The following SLF1 variants were observed in gnomAD, a reference collection of about 807,000 sequenced individuals.
The protein encoded by SLF1 is SMC5-SMC6 complex localization factor protein 1.
In SLF1, 105 loss-of-function variants were observed where a neutral mutation model predicts 123.0. That is an observed-to-expected ratio of 0.85 (90% CI 0.73 to 1.00). The LOEUF is 1.00. SLF1 is among the 50% of genes least tolerant of loss of function. The pLI is 0.00. For missense variants in SLF1, 1,239 were observed against 1,223.0 expected, an observed-to-expected ratio of 1.01 and a Z score of -0.20; for synonymous variants, 434 against 406.6, an observed-to-expected ratio of 1.07 and a Z score of -0.81.
At chr5:94,691,751 TTACC>T in intron 19 of SLF1, 95 bp downstream of exon 19, 1 of 951,464 alleles carries the variant, frequency 1.1e-6, no homozygotes, top group Non-Finnish European at 1.5e-6. Context: ...TTAAGTAAAT[TTACC>T]TAAGGTATCT....
intron 4 of SLF1, among the ~76,000 whole-genome samples, chr5:94,633,445 A>T (rs779898360): frequency 2.0e-5 from 3 of 152,338 alleles, no homozygotes; most frequent in Admixed American, 6.5e-5. Context: ...AATGACATCT[A>T]TGTAAATATC....
At position 94,663,774 on chromosome 5, in the gene SLF1, G is replaced by A. The variant is rs1044621314; in HGVS notation, c.1234G>A (p.Gly412Ser). Reference sequence around the variant, plus strand: ...GGTTAAAAATGCTGAATTTCCCAGAGGTGTATTAAATTTAATTGAAAGCCT... The same window carrying A: ...GGTTAAAAATGCTGAATTTCCCAGAAGTGTATTAAATTTAATTGAAAGCCT... ...VEVKNAEFPR[G>S]VLNLIESLIE... is the part of the protein sequence containing the mutation. The change falls in exon 11 of 21, where the codon GGT becomes AGT. Residue 412 changes from glycine to serine, a missense_variant. By Grantham distance (56) the Gly-to-Ser change is moderately conservative. Coordinates refer to ENST00000265140, the MANE Select transcript of SLF1 (RefSeq NM_032290.4). The A allele has an allele frequency of 6.5e-7, 1 of 1,542,672 alleles. No individual in the cohort carries two copies. Among genetic ancestry groups the A allele is most frequent in the African/African-American group, 1.4e-5 (1 of 72,666 alleles).
intron 1 of SLF1, 91 bp downstream of exon 1, chr5:94,618,856 G>A (rs1334782302): frequency 6.4e-6 from 1 of 155,066 alleles, no homozygotes; most frequent in Middle Eastern, 5.2e-4. Flanking sequence ...TCTGCCTCCC[G>A]GCTGTGAGGC....
At position 94,635,649 on chromosome 5, in the gene SLF1, T is replaced by TA. The variant is rs1585117189; in HGVS notation, c.431+4907dup. ...GTAGTTATATAAAACATTTTATTCTTAGACTATGTCAAACTGATAACTTTG... is the reference window on the plus strand; with the variant it reads ...GTAGTTATATAAAACATTTTATTCTTAAGACTATGTCAAACTGATAACTTTG... On this transcript the variant is annotated intron_variant, in intron 4 of 20. Coordinates refer to ENST00000265140, the MANE Select transcript of SLF1 (RefSeq NM_032290.4). 5.9e-5 allele frequency among the ~76,000 whole-genome samples: 9 copies of TA among 152,218 alleles called. 1 individual carries two copies. The East Asian group carries it at 1.7e-3, about 29-fold the overall frequency.
rs147263284 is a variant in SLF1, at chr5:94,637,621, T to A, written c.432-5652T>A. On this transcript the variant is annotated intron_variant, in intron 4 of 20. Transcript: ENST00000265140. ...ACTGGGGTTTGCCTCACAGTCTTGG[T>A]GGGGCCTTGAGGTGGGCTTTGAAGC... 3.8e-3 allele frequency among the ~76,000 whole-genome samples: 582 copies of A among 152,242 alleles called. 2 individuals carry two copies. The Middle Eastern group carries it at 0.048, about 12-fold the overall frequency.
At chr5:94,681,777 T>C (rs891020613) in intron 15 of SLF1, among the ~76,000 whole-genome samples, 1 of 152,154 alleles carries the variant, frequency 6.6e-6, no homozygotes, top group East Asian at 1.9e-4. Flanking sequence ...GATAGTTTAC[T>C]GAGAATGATG....
At chr5:94,620,494 T>G (rs1404039848) in intron 1 of SLF1, among the ~76,000 whole-genome samples, 1 of 152,246 alleles carries the variant, frequency 6.6e-6, no homozygotes, top group African/African-American at 2.4e-5. Context: ...TCAAAAACAT[T>G]GCGTTTTGGG....
chr5:94,633,827 T>C (rs1347187231), intron 4 of SLF1, among the ~76,000 whole-genome samples: 1 of 152,206 alleles, frequency 6.6e-6, no homozygotes, highest in African/African-American at 2.4e-5. Context: ...TGTTTGTCAT[T>C]TCATTGATTT....
At chr5:94,672,083 A>G (rs1014456520) in intron 14 of SLF1, among the ~76,000 whole-genome samples, 38 of 152,148 alleles carry the variant, frequency 2.5e-4, no homozygotes, top group African/African-American at 7.2e-4. Context: ...GTTTTAATCA[A>G]TCCTTCTGAA....
At position 94,686,668 on chromosome 5, in the gene SLF1, C is replaced by T; in HGVS notation, c.2071C>T (p.Leu691=). 1 of 1,614,120 alleles carries T rather than the reference C, an allele frequency of 6.2e-7. No individual in the cohort carries two copies. The highest frequency in any genetic ancestry group is 1.1e-5 in the South Asian group (1 of 91,082). Residue 691 remains leucine, a synonymous_variant, in exon 16 of 21, where the codon CTA becomes TTA. Coordinates refer to ENST00000265140, the MANE Select transcript of SLF1 (RefSeq NM_032290.4). ...VAEAVFKKLC[L]QSSGSVSSEP... ...AGAGGCAGTCTTTAAAAAGTTGTGTCTACAGAGCTCTGGCAGTGTTTCTTC... is the reference window on the plus strand; with the variant it reads ...AGAGGCAGTCTTTAAAAAGTTGTGTTTACAGAGCTCTGGCAGTGTTTCTTC...
chr5:94,645,573 T>A (rs1173924649), intron 5 of SLF1, among the ~76,000 whole-genome samples: 1 of 152,216 alleles, frequency 6.6e-6, no homozygotes, highest in African/African-American at 2.4e-5. Flanking sequence ...ATTAATTTTC[T>A]TTTTTACTTG....
At chr5:94,625,103 G>A (rs1249698464) in intron 1 of SLF1, among the ~76,000 whole-genome samples, 1 of 151,318 alleles carries the variant, frequency 6.6e-6, no homozygotes, top group Non-Finnish European at 1.5e-5. Context: ...TGAGGCAGGA[G>A]AATGGCGTGA....
chr5:94,649,438 T>C lies in SLF1; in HGVS notation c.595-16T>C. On this transcript the variant is annotated splice_polypyrimidine_tract_variant and intron_variant, in intron 5 of 20. Transcript: ENST00000265140. ...ACACTTAGATGATTGCCTAAACCATTTTTACATACATACAGAAAGAAATTC... is the reference window on the plus strand; with the variant it reads ...ACACTTAGATGATTGCCTAAACCATCTTTACATACATACAGAAAGAAATTC... 1 of 1,471,452 alleles carries C rather than the reference T, an allele frequency of 6.8e-7. No homozygotes were observed. The highest frequency in any genetic ancestry group is 9.1e-7 in the Non-Finnish European group (1 of 1,095,438). 91.1% of individuals were successfully genotyped at this position (1,471,452 alleles called of 1,614,324 possible). A position where few individuals can be genotyped will look rare whatever the true frequency, so the allele number is the denominator to read the frequency against.
intron 4 of SLF1, among the ~76,000 whole-genome samples, chr5:94,641,113 T>C (rs971796486): frequency 1.3e-5 from 2 of 152,156 alleles, no homozygotes; most frequent in Non-Finnish European, 1.5e-5. Flanking sequence ...GTAAGGTGGT[T>C]AGTATGGGTG....
intron 6 of SLF1, among the ~76,000 whole-genome samples, chr5:94,649,899 C>A (rs1295717455): frequency 6.6e-6 from 1 of 151,998 alleles, no homozygotes; most frequent in Admixed American, 6.6e-5. Context: ...TAGGTAACAT[C>A]GTGTGTCTTA....
intron 9 of SLF1, among the ~76,000 whole-genome samples, chr5:94,655,587 G>A (rs1340720879): frequency 6.6e-6 from 1 of 152,058 alleles, no homozygotes; most frequent in Non-Finnish European, 1.5e-5. Flanking sequence ...AACATGGAAT[G>A]TCTTTCCATT....
At chr5:94,679,077 A>G in intron 15 of SLF1, 122 bp downstream of exon 15, 8 of 1,057,308 alleles carry the variant, frequency 7.6e-6, no homozygotes, top group Non-Finnish European at 1.1e-5. Context: ...ATAGTTATGG[A>G]TGCACGCACA....
rs370733208 is a variant in SLF1 at position 94,688,619 on chromosome 5, A to G, written c.2235A>G (p.Leu745=). ...RPCFDSQRTL[L]MLNGTKQKQV... ...GTTTTGACTCTCAGAGAACCTTACT[A>G]ATGCTGAATGGTACTAAACAAAAAC... Residue 745 remains leucine, a synonymous_variant, in exon 17 of 21, where the codon CTA becomes CTG. Transcript: ENST00000265140. 2.5e-6 allele frequency: 4 copies of G among 1,613,972 alleles called. No individual in the cohort carries two copies. In the South Asian group the frequency reaches 3.3e-5, roughly 13 times the overall value.
rs1022284214 is a variant in SLF1 at position 94,651,587 on chromosome 5, T to C, written c.739-115T>C. The C allele has an allele frequency of 1.4e-5, 10 of 725,440 alleles. No homozygotes were observed. In the African/African-American group the frequency reaches 1.7e-4, roughly 12 times the overall value. The allele number at this position is 725,440 out of a possible 1,614,324, so 44.9% of individuals were successfully genotyped here. On this transcript the variant is annotated intron_variant, in intron 6 of 20. Coordinates refer to ENST00000265140, the MANE Select transcript of SLF1 (RefSeq NM_032290.4). ...TCTTTACTCTATTTAACCTTGTATG[T>C]ATATTTTACAAAATCTATGTTCCTG...
Sources: gnomAD v4.1 joint callset for allele counts (sites outside exome capture counted in the v4.1 genomes callset) on GRCh38, gnomAD v4.1.1 for gene constraint, MANE v1.5 for transcripts, NCBI Gene and HGNC (gene_info 2026-07-23, HGNC 2026-07-21) for gene names.